CIITA: variants seen among roughly 807,000 people sequenced by gnomAD.
CIITA encodes MHC class II transactivator.
Under a neutral mutation model 115.1 loss-of-function variants are expected in CIITA, and 72 were observed. The observed-to-expected ratio is 0.63, with a 90% CI of 0.52 to 0.76. The LOEUF is 0.76. CIITA is among the 30% of genes least tolerant of loss of function. CIITA has a pLI of 0.00. For synonymous variants in CIITA, 763 were observed against 635.6 expected, an observed-to-expected ratio of 1.20 and a Z score of -3.02; for missense variants, 1,617 against 1,463.8, an observed-to-expected ratio of 1.10 and a Z score of -1.71.
In CIITA at chr16:10,916,384, A is replaced by C. The variant is rs1308805698; in HGVS notation, c.2987A>C (p.Glu996Ala). 1 of 1,613,976 alleles carries C rather than the reference A, an allele frequency of 6.2e-7. No homozygotes were observed. The highest frequency in any genetic ancestry group is 8.5e-7 in the Non-Finnish European group (1 of 1,179,944). ...ACCTGCAGCCTGGATGCGCTGAGTG[A>C]GAACAAGATCGGGGACGAGGGTGTC... ...LQHLDLDALS[E>A]NKIGDEGVSQ... The change falls in exon 15 of 20, where the codon GAG (glutamate) becomes GCG (alanine). Residue 996 changes from glutamate (E) to alanine (A), a missense_variant. Transcript: ENST00000324288.
intron 16 of CIITA, among the ~76,000 whole-genome samples, chr16:10,919,385 C>G (rs1259941463): frequency 6.6e-6 from 1 of 152,120 alleles, no homozygotes; most frequent in Non-Finnish European, 1.5e-5. Flanking sequence ...TTAGTAGAGA[C>G]AGGGTTTCGC....
rs1251135434 is a variant in CIITA, at chr16:10,877,351, C to A, written c.21C>A (p.Arg7=). MRCLAP[R]PAGSYLSEPQ... is the part of the protein sequence containing the mutation. The stretch of plus-strand genomic sequence containing the variant: ...ACACAATGCGTTGCCTGGCTCCACG[C>A]CCTGCTGGGTCCTACCTGTCAGAGC... The change falls in exon 1 of 20, where the codon CGC becomes CGA. Residue 7 remains arginine, a synonymous_variant. Coordinates refer to ENST00000324288, the MANE Select transcript of CIITA (RefSeq NM_000246.4). 2 of 1,613,328 alleles carry A rather than the reference C, an allele frequency of 1.2e-6. No homozygotes were observed. Among genetic ancestry groups the A allele is most frequent in the Non-Finnish European group, 1.7e-6 (2 of 1,179,606 alleles).
At position 10,928,747 on chromosome 16, in the gene CIITA, G is replaced by C. The variant is rs2040642816; in HGVS notation, c.*4892G>C. The C allele has an allele frequency of 6.6e-6, 1 of 152,284 alleles. No individual in the cohort carries two copies. Among genetic ancestry groups the C allele is most frequent in the Admixed American group, 6.5e-5 (1 of 15,270 alleles). The allele number at this position is 152,284 out of a possible 1,614,324, so 9.4% of individuals were successfully genotyped here. A position where few individuals can be genotyped will look rare whatever the true frequency, so the allele number is the denominator to read the frequency against. On this transcript the variant is annotated 3_prime_UTR_variant, in exon 20 of 20. Transcript: ENST00000324288. ...CCTGGCTTGTGGAGTGGGGCAGGGG[G>C]CCAGCCTGGGACTTTCACGCCAGCC... is the stretch of plus-strand genomic sequence containing the variant.
Position 10,932,381 on chromosome 16 carries a change from A to G in CIITA, c.*8526A>G, listed in dbSNP as rs149501479. On this transcript the variant is annotated 3_prime_UTR_variant, in exon 20 of 20. Transcript: ENST00000324288. ...AAAACAACTCTAGGAGGTAGGGCCA[A>G]GTAGGACCATCATCCCTGCATTTCA... The G allele has an allele frequency of 2.8e-3, 428 of 152,372 alleles. 1 individual carries two copies. Among genetic ancestry groups the G allele is most frequent in the Non-Finnish European group, 3.5e-3 (235 of 68,056 alleles). 9.4% of individuals were successfully genotyped at this position (152,372 alleles called of 1,614,324 possible). A position where few individuals can be genotyped will look rare whatever the true frequency, so the allele number is the denominator to read the frequency against.
intron 1 of CIITA, among the ~76,000 whole-genome samples, chr16:10,869,550 C>T (rs2035332542): frequency 6.7e-6 from 1 of 149,400 alleles, no homozygotes; most frequent in Non-Finnish European, 1.5e-5. Context: ...CAGAGTCTTG[C>T]TCTATCGCCC....
chr16:10,918,219 G>A (rs899287802), intron 15 of CIITA, among the ~76,000 whole-genome samples: 1 of 152,204 alleles, frequency 6.6e-6, no homozygotes, highest in Non-Finnish European at 1.5e-5. Context: ...TAAAGTCATG[G>A]GACAGGTGGG....
chr16:10,903,852 C>T lies in CIITA; in HGVS notation c.894C>T (p.Pro298=). 1.2e-6 allele frequency: 2 copies of T among 1,614,214 alleles called. No homozygotes were observed. Among genetic ancestry groups the T allele is most frequent in the South Asian group, 1.1e-5 (1 of 91,084 alleles). The stretch of plus-strand genomic sequence containing the variant: ...TCGCTCCATCAGCCACTGACCTGCC[C>T]AGCATGCCTGAACCTGCCCTGACCT... ...SPFAPSATDL[P]SMPEPALTSR... The change falls in exon 9 of 20, where the codon CCC becomes CCT. Residue 298 remains proline (P), a synonymous_variant. Transcript: ENST00000324288.
In CIITA at chr16:10,901,500, T is replaced by C. The variant is rs1439954482; in HGVS notation, c.437-14T>C. ...CCTCTCCCTGGGGCAGCTGATCACA[T>C]GTTTTCTCTGCAGCCTTCCCAGAGG... On this transcript the variant is annotated splice_polypyrimidine_tract_variant and intron_variant, in intron 5 of 19. Coordinates refer to ENST00000324288, the MANE Select transcript of CIITA (RefSeq NM_000246.4). This position sits in a 1 kb window ranked among gnomAD's most constrained non-coding sequence, Gnocchi z 6.8. 1.2e-6 allele frequency: 2 copies of C among 1,613,978 alleles called. No homozygotes were observed. The highest frequency in any genetic ancestry group is 3.3e-5 in the Admixed American group (2 of 60,008).
chr16:10,925,725 C>G lies in CIITA; in HGVS notation c.*1870C>G, dbSNP rs979148430. The stretch of plus-strand genomic sequence containing the variant: ...GCACGTACACACACATACACACACA[C>G]GCGTGCACACACCAGAGCCCACCTT... On this transcript the variant is annotated 3_prime_UTR_variant, in exon 20 of 20. Transcript: ENST00000324288. 2 of 152,290 alleles carry G rather than the reference C, an allele frequency of 1.3e-5. No individual in the cohort carries two copies. Among genetic ancestry groups the G allele is most frequent in the Admixed American group, 1.3e-4 (2 of 15,294 alleles). 9.4% of individuals were successfully genotyped at this position (152,290 alleles called of 1,614,324 possible).
chr16:10,908,945 G>C, intron 11 of CIITA, 84 bp from the exon 12 acceptor site: 1 of 1,594,440 alleles, frequency 6.3e-7, no homozygotes, highest in Non-Finnish European at 8.6e-7. Flanking sequence ...TATTTTAATA[G>C]GTAGGAGGAC....
chr16:10,909,228 G>A, intron 12 of CIITA, 41 bp downstream of exon 12: 1 of 1,605,944 alleles, frequency 6.2e-7, no homozygotes, highest in East Asian at 2.2e-5. Flanking sequence ...ACGCCATGCA[G>A]GTTGAGGACA....
chr16:10,912,122 G>GT (rs59035005), intron 13 of CIITA, among the ~76,000 whole-genome samples: 1,723 of 151,212 alleles, frequency 0.011, 11 homozygotes, highest in Middle Eastern at 0.045. Flanking sequence ...ATTCGGTGCT[G>GT]TTTTTTTTTG....
At chr16:10,910,505 A>C (rs1163334504) in intron 13 of CIITA, among the ~76,000 whole-genome samples, 6 of 152,112 alleles carry the variant, frequency 3.9e-5, no homozygotes, top group African/African-American at 1.4e-4. Flanking sequence ...CATTCAACAG[A>C]GGTATTGAGC....
intron 16 of CIITA, 97 bp from the exon 17 acceptor site, chr16:10,922,070 G>A: frequency 1.8e-6 from 2 of 1,092,722 alleles, no homozygotes; most frequent in Non-Finnish European, 2.8e-6. Flanking sequence ...CAGGGATAGT[G>A]GGACCAGGCT....
At position 10,929,413 on chromosome 16, in the gene CIITA, A is replaced by G; in HGVS notation, c.*5558A>G. ...GCCATCGATTTGACACTGCAGGCAG[A>G]TGAGGTCTTGGGATGCCTCTTGCGT... On this transcript the variant is annotated 3_prime_UTR_variant, in exon 20 of 20. Transcript: ENST00000324288. This position sits in a 1 kb window ranked among gnomAD's most constrained non-coding sequence, Gnocchi z 4.3. 4 of 985,900 alleles carry G rather than the reference A, an allele frequency of 4.1e-6. No homozygotes were observed. Among genetic ancestry groups the G allele is most frequent in the Non-Finnish European group, 4.8e-6 (4 of 829,950 alleles). The allele number at this position is 985,900 out of a possible 1,614,324, so 61.1% of individuals were successfully genotyped here.
chr16:10,884,521 C>T (rs1044790490), intron 1 of CIITA, among the ~76,000 whole-genome samples: 11 of 152,166 alleles, frequency 7.2e-5, no homozygotes, highest in Non-Finnish European at 1.3e-4. Flanking sequence ...CTCAAGCCAT[C>T]CTCCTGCCTC....
At chr16:10,921,192 GT>G (rs1481331137) in intron 16 of CIITA, among the ~76,000 whole-genome samples, 1 of 152,252 alleles carries the variant, frequency 6.6e-6, no homozygotes, top group African/African-American at 2.4e-5. Flanking sequence ...CTGCAAGGGA[GT>G]TCTGAGGCTG....
rs760864976 is a variant in CIITA at position 10,908,056 on chromosome 16, C to T, written c.2564C>T (p.Ala855Val). ...GTACTGGGCAAGGCCTTGGAGGCGG[C>T]GGGCCAAGACTTCTCCCTGGACCTC... ...AHVLGKALEA[A>V]GQDFSLDLRS... Residue 855 changes from alanine to valine, a missense_variant, in exon 11 of 20, where the codon GCG (alanine) becomes GTG (valine). By Grantham distance (64) the Ala-to-Val change is moderately conservative. Coordinates refer to ENST00000324288, the MANE Select transcript of CIITA (RefSeq NM_000246.4). The T allele has an allele frequency of 2.2e-5, 35 of 1,612,578 alleles. No homozygotes were observed. Among genetic ancestry groups the T allele is most frequent in the East Asian group, 1.8e-4 (8 of 44,836 alleles).
At chr16:10,900,564 AC>A (rs2038624248) in intron 5 of CIITA, among the ~76,000 whole-genome samples, 2 of 151,546 alleles carry the variant, frequency 1.3e-5, no homozygotes, top group South Asian at 2.1e-4. Flanking sequence ...ACATGGTGAA[AC>A]CCCATCTCTA....
Sources: allele counts gnomAD v4.1 joint callset (sites outside exome capture counted in the v4.1 genomes callset), GRCh38; gene constraint gnomAD v4.1.1; non-coding constraint Gnocchi (gnomAD v3.1); transcripts MANE v1.5; gene names NCBI Gene and HGNC (gene_info 2026-07-23, HGNC 2026-07-21).